Variants in FAAH2 observed in about 807,000 individuals in gnomAD.
FAAH2 encodes the protein fatty-acid amide hydrolase 2.
FAAH2 carries 60 observed loss-of-function variants against 36.9 expected under a neutral mutation model. That is an observed-to-expected ratio of 1.63 (90% CI 1.32 to 2.02). FAAH2 has a LOEUF of 2.02. Among genes scored for constraint, FAAH2 ranks in the 30% most tolerant of loss-of-function variants. FAAH2 has a pLI of 0.00. For missense variants in FAAH2, 689 were observed against 397.5 expected, an observed-to-expected ratio of 1.73 and a Z score of -6.23; for synonymous variants, 214 against 143.8, an observed-to-expected ratio of 1.49 and a Z score of -3.49.
chrX:57,467,444 G>A (rs745725535), intron 10 of FAAH2, among the ~76,000 whole-genome samples: 3 of 112,060 alleles, frequency 2.7e-5, no homozygotes, highest in Non-Finnish European at 5.6e-5. Flanking sequence ...GGGCACACCA[G>A]GAGATTATAT....
Position 57,358,626 on chromosome X carries a change from G to A in FAAH2, c.742+17236G>A, listed in dbSNP as rs2054217735. Among the ~76,000 whole-genome samples the A allele has an allele frequency of 2.7e-5, 3 of 111,231 alleles. No individual in the cohort carries two copies. The South Asian group carries it at 1.1e-3, about 41-fold the overall frequency. The stretch of plus-strand genomic sequence containing the variant: ...TGTTCATCTGTTGATGGACATTTAG[G>A]TTATTCCCACCTCTTGGTTATTGTA... On this transcript the variant is annotated intron_variant, in intron 5 of 10. Transcript: ENST00000374900.
chrX:57,187,214 A>G, the FAAH2 span, among the ~76,000 whole-genome samples: 2 of 110,611 alleles, frequency 1.8e-5, no homozygotes, highest in African/African-American at 3.3e-5. Flanking sequence ...TTTTTTTTCC[A>G]TTTGTGTCCC....
chrX:57,341,503 A>G lies in FAAH2; in HGVS notation c.742+113A>G, dbSNP rs1328416554. 4 of 875,845 alleles carry G rather than the reference A, an allele frequency of 4.6e-6. No individual in the cohort carries two copies. The African/African-American group carries it at 6.2e-5, about 14-fold the overall frequency. 72.2% of individuals were successfully genotyped at this position (875,845 alleles called of 1,213,427 possible). On this transcript the variant is annotated intron_variant, in intron 5 of 10. Coordinates refer to ENST00000374900, the MANE Select transcript of FAAH2 (RefSeq NM_174912.4). Reference sequence around the variant, plus strand: ...TCAGGGTGATTATTATATATTTCTCAATGTTCTTAAATAAAACTAGCTACT... The same window carrying G: ...TCAGGGTGATTATTATATATTTCTCGATGTTCTTAAATAAAACTAGCTACT...
At chrX:57,420,841 G>C (rs1198496659) in intron 7 of FAAH2, among the ~76,000 whole-genome samples, 1 of 111,232 alleles carries the variant, frequency 9.0e-6, no homozygotes, top group East Asian at 2.8e-4. Flanking sequence ...CATTCAGTGT[G>C]ATATTGGCTA....
chrX:57,171,068 C>A, the FAAH2 span, among the ~76,000 whole-genome samples: 1 of 111,122 alleles, frequency 9.0e-6, no homozygotes, highest in Non-Finnish European at 1.9e-5. Context: ...CCAGTTCCAT[C>A]CAAGTTGTGG....
At chrX:57,129,460 T>C in the FAAH2 span, among the ~76,000 whole-genome samples, 1 of 112,182 alleles carries the variant, frequency 8.9e-6, no homozygotes, top group African/African-American at 3.2e-5. Context: ...ATTTATGTAC[T>C]TACATAAATT....
At chrX:57,249,129 T>C in the FAAH2 span, among the ~76,000 whole-genome samples, 13 of 111,605 alleles carry the variant, frequency 1.2e-4, no homozygotes, top group Non-Finnish European at 2.1e-4. Flanking sequence ...TGTCTAGATA[T>C]TGAAATATGA....
intron 7 of FAAH2, chrX:57,394,683 T>C: frequency 1.1e-6 from 1 of 917,830 alleles, no homozygotes; most frequent in Non-Finnish European, 1.6e-6. Context: ...CCCATTTGTT[T>C]TTTTTATCAT....
intron 2 of FAAH2, among the ~76,000 whole-genome samples, chrX:57,296,025 G>T (rs1201819892): frequency 1.8e-5 from 2 of 112,417 alleles, no homozygotes; most frequent in African/African-American, 3.2e-5. Context: ...CACCTCTGGG[G>T]GCAGGACACA....
chrX:57,435,524 C>T (rs1286903121), intron 8 of FAAH2, among the ~76,000 whole-genome samples: 1 of 108,968 alleles, frequency 9.2e-6, no homozygotes, highest in Admixed American at 1.0e-4. Context: ...GAAATAGAAA[C>T]TAAAAGAGAG....
the FAAH2 span, among the ~76,000 whole-genome samples, chrX:57,182,008 G>A: frequency 4.5e-5 from 5 of 111,868 alleles, no homozygotes; most frequent in Non-Finnish European, 7.5e-5. Context: ...AAATGATGCT[G>A]GGATAACTGG....
chrX:57,481,709 C>T (rs1488814032), intron 10 of FAAH2, among the ~76,000 whole-genome samples: 1 of 112,180 alleles, frequency 8.9e-6, no homozygotes, highest in Non-Finnish European at 1.9e-5. Flanking sequence ...CAGTCGGATG[C>T]ACAAGGTCAG....
intron 3 of FAAH2, among the ~76,000 whole-genome samples, chrX:57,315,269 C>T (rs1420913209): frequency 9.0e-6 from 1 of 110,927 alleles, no homozygotes; most frequent in Non-Finnish European, 1.9e-5. Context: ...TAATAAGAAA[C>T]CTACCAATCA....
intron 10 of FAAH2, among the ~76,000 whole-genome samples, chrX:57,486,687 A>C (rs1217882452): frequency 4.5e-5 from 5 of 111,698 alleles, no homozygotes; most frequent in African/African-American, 1.6e-4. Flanking sequence ...AATGATGAGG[A>C]AGCTGGATAT....
At chrX:57,341,471 T>G (rs2053684991) in intron 5 of FAAH2, 81 bp downstream of exon 5, 1 of 1,027,584 alleles carries the variant, frequency 9.7e-7, no homozygotes, top group Admixed American at 2.8e-5. Flanking sequence ...CAGGATTATC[T>G]TGCTTATCAG....
chrX:57,400,029 G>A (rs2055394062), intron 7 of FAAH2, among the ~76,000 whole-genome samples: 1 of 112,034 alleles, frequency 8.9e-6, no homozygotes, highest in Non-Finnish European at 1.9e-5. Flanking sequence ...AGGTCCCCTC[G>A]AGTGGTGTAG....
At chrX:57,349,397 AT>A (rs1317033768) in intron 5 of FAAH2, among the ~76,000 whole-genome samples, 1 of 98,790 alleles carries the variant, frequency 1.0e-5, no homozygotes, top group African/African-American at 3.6e-5. Context: ...ATATATATGT[AT>A]ATATGTGTGT....
At chrX:57,478,792 A>G (rs1202809553) in intron 10 of FAAH2, among the ~76,000 whole-genome samples, 1 of 111,644 alleles carries the variant, frequency 9.0e-6, no homozygotes, top group African/African-American at 3.3e-5. Flanking sequence ...AAGATCAGAT[A>G]GTGGTAGATA....
the FAAH2 span, chrX:57,137,492 C>T: frequency 0.07 from 15,560 of 223,298 alleles, 2,198 homozygotes; most frequent in African/African-American, 0.42. Context: ...CCACCAGTCC[C>T]TGATGCAGTG....
Sources: gnomAD v4.1 joint callset for allele counts (sites outside exome capture counted in the v4.1 genomes callset) on GRCh38, gnomAD v4.1.1 for gene constraint, MANE v1.5 for transcripts, NCBI Gene and HGNC (gene_info 2026-07-23, HGNC 2026-07-21) for gene names.